Variants in SSBP2 observed in about 807,000 individuals in gnomAD.
SSBP2 encodes single stranded DNA binding protein 2.
A neutral mutation model predicts 61.8 loss-of-function variants in SSBP2; 17 were observed. That is an observed-to-expected ratio of 0.28 (90% confidence interval 0.19 to 0.41). The LOEUF is 0.41. Among genes scored for constraint, SSBP2 ranks in the 10% least tolerant of loss-of-function variants. SSBP2 has a pLI of 1.00. For missense variants in SSBP2, 310 were observed against 458.7 expected, an observed-to-expected ratio of 0.68 and a Z score of 2.96; for synonymous variants, 139 against 141.3, an observed-to-expected ratio of 0.98 and a Z score of 0.12.
At chr5:81,475,637 T>A (rs1765535359) in intron 6 of SSBP2, among the ~76,000 whole-genome samples, 1 of 152,012 alleles carries the variant, frequency 6.6e-6, no homozygotes, top group African/African-American at 2.4e-5. Flanking sequence ...ATGCATTCAA[T>A]CAACAATGTT....
chr5:81,611,692 T>C lies in SSBP2; in HGVS notation c.282+3781A>G, dbSNP rs1383606213. On this transcript the variant is annotated intron_variant, in intron 4 of 16. Coordinates refer to ENST00000320672, the MANE Select transcript of SSBP2 (RefSeq NM_012446.5). ...TTCACATTTACCAGAAACTGGATTA[T>C]AATTTAAAAATATTTCAGTGAGAGA... 3.9e-5 allele frequency among the ~76,000 whole-genome samples: 6 copies of C among 152,260 alleles called. No homozygotes were observed. In the South Asian group the frequency reaches 6.2e-4, roughly 16 times the overall value.
At chr5:81,526,352 T>C (rs1769937396) in intron 4 of SSBP2, among the ~76,000 whole-genome samples, 1 of 152,044 alleles carries the variant, frequency 6.6e-6, no homozygotes, top group South Asian at 2.1e-4. Flanking sequence ...TTAAATTATT[T>C]CACTATCTCA....
intron 15 of SSBP2, among the ~76,000 whole-genome samples, chr5:81,432,919 T>G: frequency 8.4e-6 from 1 of 118,732 alleles, no homozygotes. Flanking sequence ...AGCCACCCCG[T>G]CCGGGAGGGA....
intron 1 of SSBP2, among the ~76,000 whole-genome samples, chr5:81,748,251 C>T (rs1008944899): frequency 1.3e-5 from 2 of 152,076 alleles, no homozygotes; most frequent in Admixed American, 1.3e-4. Context: ...GTATTTGTTA[C>T]AGAAACAAAT....
intron 8 of SSBP2, among the ~76,000 whole-genome samples, chr5:81,473,075 T>A (rs1245792762): frequency 1.3e-5 from 2 of 152,246 alleles, no homozygotes; most frequent in Non-Finnish European, 2.9e-5. Context: ...CGATTTGGCA[T>A]GTCACAAATG....
chr5:81,692,189 A>G (rs964686210), intron 1 of SSBP2, among the ~76,000 whole-genome samples: 3 of 152,222 alleles, frequency 2.0e-5, no homozygotes, highest in African/African-American at 7.2e-5. Flanking sequence ...ACATACAAAA[A>G]TCAGAAGCAT....
At chr5:81,751,666 A>C (rs1757792784), upstream of SSBP2, 1 of 153,792 alleles carries the variant, frequency 6.5e-6, no homozygotes, top group African/African-American at 2.4e-5. Context: ...GCCGGTACCC[A>C]CGATTGATTT....
intron 3 of SSBP2, among the ~76,000 whole-genome samples, chr5:81,618,298 C>A (rs1746255968): frequency 9.9e-6 from 1 of 100,856 alleles, no homozygotes; most frequent in Non-Finnish European, 2.2e-5. Flanking sequence ...GCAGGGGTTG[C>A]AATCCTAGTT....
intron 4 of SSBP2, among the ~76,000 whole-genome samples, chr5:81,588,307 AAGATGT>A (rs543018623): frequency 1.9e-3 from 285 of 152,220 alleles, no homozygotes; most frequent in African/African-American, 6.7e-3. Context: ...CTTATATATA[AAGATGT>A]AGATCACAAT....
intron 1 of SSBP2, among the ~76,000 whole-genome samples, chr5:81,674,384 C>CCCA (rs1751805439): frequency 1.3e-5 from 2 of 152,216 alleles, no homozygotes; most frequent in African/African-American, 4.8e-5. Flanking sequence ...TGTGTGGTTC[C>CCCA]CCATGGCTCA....
At chr5:81,655,200 C>T (rs908797558) in intron 1 of SSBP2, among the ~76,000 whole-genome samples, 2 of 151,920 alleles carry the variant, frequency 1.3e-5, no homozygotes, top group African/African-American at 2.4e-5. Flanking sequence ...GATTACTAGA[C>T]AGTGAAAATT....
At chr5:81,566,836 G>A (rs1773457678) in intron 4 of SSBP2, among the ~76,000 whole-genome samples, 1 of 152,170 alleles carries the variant, frequency 6.6e-6, no homozygotes, top group South Asian at 2.1e-4. Context: ...GGGAACTGGA[G>A]CAAAGGTGAC....
chr5:81,461,701 C>G (rs1311028515), intron 9 of SSBP2, among the ~76,000 whole-genome samples: 1 of 152,054 alleles, frequency 6.6e-6, no homozygotes, highest in East Asian at 1.9e-4. Flanking sequence ...TTCTTGTTCT[C>G]ATAATTTCAG....
intron 4 of SSBP2, among the ~76,000 whole-genome samples, chr5:81,543,452 T>C (rs896777886): frequency 6.6e-6 from 1 of 152,058 alleles, no homozygotes; most frequent in Non-Finnish European, 1.5e-5. Flanking sequence ...GGCTAAACAA[T>C]GGGTACTCAT....
intron 1 of SSBP2, among the ~76,000 whole-genome samples, chr5:81,651,585 A>G (rs1749734999): frequency 6.6e-6 from 1 of 152,188 alleles, no homozygotes; most frequent in South Asian, 2.1e-4. Flanking sequence ...ATCTCCAAAC[A>G]TATTCAAATT....
rs546888226 is a variant in SSBP2, at chr5:81,743,430, C to A, written c.62+7551G>T. On this transcript the variant is annotated intron_variant, in intron 1 of 16. Transcript: ENST00000320672. ...CAGTCATTCTCTACACTACATCACA[C>A]TATTTTATTATTTTTATAGTATATA... Among the ~76,000 whole-genome samples the A allele has an allele frequency of 9.9e-5, 15 of 152,260 alleles. 1 individual carries two copies. In the East Asian group the frequency reaches 2.9e-3, roughly 29 times the overall value.
intron 4 of SSBP2, among the ~76,000 whole-genome samples, chr5:81,556,187 T>C (rs1018442341): frequency 3.3e-5 from 5 of 152,148 alleles, no homozygotes; most frequent in Non-Finnish European, 7.4e-5. Flanking sequence ...TTATATATTA[T>C]CTTTATATAG....
intron 1 of SSBP2, among the ~76,000 whole-genome samples, chr5:81,678,662 C>T (rs1413876355): frequency 6.6e-6 from 1 of 151,692 alleles, no homozygotes; most frequent in East Asian, 1.9e-4. Flanking sequence ...AGAAAAAAAT[C>T]TTGAAAAAAG....
intron 1 of SSBP2, among the ~76,000 whole-genome samples, chr5:81,675,919 T>C (rs1451518067): frequency 2.6e-5 from 4 of 152,210 alleles, no homozygotes; most frequent in African/African-American, 9.6e-5. Flanking sequence ...CCTCATGGTC[T>C]TCTCATTCCA....
Sources: allele counts gnomAD v4.1 joint callset (sites outside exome capture counted in the v4.1 genomes callset), GRCh38; gene constraint gnomAD v4.1.1; transcripts MANE v1.5; gene names NCBI Gene and HGNC (gene_info 2026-07-23, HGNC 2026-07-21).